The following MNAT1 variants were observed in gnomAD, a reference collection of about 807,000 sequenced individuals.
The protein encoded by MNAT1 is CDK-activating kinase assembly factor MAT1.
In MNAT1, 43 loss-of-function variants were observed where a neutral mutation model predicts 42.0. The observed-to-expected ratio is 1.02, with a 90% CI of 0.80 to 1.32. The LOEUF (loss-of-function observed/expected upper bound fraction) is 1.32. Ranked by LOEUF, MNAT1 falls within the 40% of genes most tolerant of loss-of-function variation. The probability of loss-of-function intolerance (pLI) is 0.00; values close to 1 mark genes in which losing one functional copy is unlikely to be tolerated. For missense variants in MNAT1, 306 were observed against 350.4 expected (o/e 0.87, Z 1.01); for synonymous variants, 118 against 120.0 (o/e 0.98, Z 0.11).
intron 7 of MNAT1, 67 bp downstream of exon 7, chr14:60,879,902 C>G: frequency 6.6e-7 from 1 of 1,506,058 alleles, no homozygotes; most frequent in Non-Finnish European, 9.0e-7. Flanking sequence ...TCTTAACTGA[C>G]ATGTTAACAT....
At chr14:60,764,973 A>G (rs2030754291) in intron 1 of MNAT1, among the ~76,000 whole-genome samples, 1 of 152,204 alleles carries the variant, frequency 6.6e-6, no homozygotes, top group Non-Finnish European at 1.5e-5. Context: ...AATATAGGCC[A>G]GGCGCGGTTG....
chr14:60,851,138 T>C (rs958165999), intron 6 of MNAT1, among the ~76,000 whole-genome samples: 1 of 152,174 alleles, frequency 6.6e-6, no homozygotes, highest in Non-Finnish European at 1.5e-5. Context: ...GGTCATCAAG[T>C]AGAATTACTG....
At chr14:60,839,414 G>A (rs777543961) in intron 6 of MNAT1, among the ~76,000 whole-genome samples, 1 of 152,214 alleles carries the variant, frequency 6.6e-6, no homozygotes, top group Admixed American at 6.5e-5. Context: ...CCTCAGAGCT[G>A]TTCTTTTGTT....
Position 60,748,299 on chromosome 14 carries a change from C to T in MNAT1, c.89+13348C>T, listed in dbSNP as rs141679216. Among the ~76,000 whole-genome samples, 161 of 152,252 alleles carry T rather than the reference C, an allele frequency of 1.1e-3. 1 individual carries two copies. In the East Asian group the frequency reaches 0.029, roughly 27 times the overall value. Reference sequence around the variant, plus strand: ...AGGCTGGAGTGCAGGGGCATGATCACGGCTCACTGCAGTCTTGACATCCCT... The same window carrying T: ...AGGCTGGAGTGCAGGGGCATGATCATGGCTCACTGCAGTCTTGACATCCCT... On this transcript the variant is annotated intron_variant, in intron 1 of 7. Coordinates refer to ENST00000261245, the MANE Select transcript of MNAT1 (RefSeq NM_002431.4).
chr14:60,775,449 G>T (rs540011144), intron 1 of MNAT1, among the ~76,000 whole-genome samples: 1 of 152,304 alleles, frequency 6.6e-6, no homozygotes, highest in African/African-American at 2.4e-5. Context: ...TGGGAATGGG[G>T]AAATTGGGTA....
intron 5 of MNAT1, among the ~76,000 whole-genome samples, chr14:60,815,498 A>G (rs2032684091): frequency 6.6e-6 from 1 of 152,150 alleles, no homozygotes; most frequent in South Asian, 2.1e-4. Flanking sequence ...TACTGGTGTG[A>G]GCCACCGCGC....
At chr14:60,839,584 G>A (rs2033488832) in intron 6 of MNAT1, among the ~76,000 whole-genome samples, 2 of 152,190 alleles carry the variant, frequency 1.3e-5, no homozygotes, top group Admixed American at 1.3e-4. Flanking sequence ...ATGTTTGGGG[G>A]TGATGAGAAG....
chr14:60,734,875 G>A lies in MNAT1; in HGVS notation c.13G>A (p.Gly5Ser). The A allele has an allele frequency of 6.2e-7, 1 of 1,614,112 alleles. No individual in the cohort carries two copies. The highest frequency in any genetic ancestry group is 1.6e-4 in the Middle Eastern group (1 of 6,062). ...GAGGGAAACCGCCATGGACGATCAG[G>A]GTTGCCCTCGGTGTAAGACCACCAA... MDDQGCPRCKTTKYR... is the reference protein window; with the variant it reads MDDQSCPRCKTTKYR... The change falls in exon 1 of 8, where the codon GGT (glycine) becomes AGT (serine). Residue 5 changes from glycine (G) to serine (S), a missense_variant. By Grantham distance (56) the Gly-to-Ser change is moderately conservative. Around this residue, in one of 3 missense-constraint regions of MNAT1, gnomAD observed 72 missense variants for 111.0 expected, o/e 0.65. Transcript: ENST00000261245. The surrounding 1 kb of genome is among the most constrained non-coding windows in gnomAD (Gnocchi z 4.3).
rs1260790850 is a variant in MNAT1 at position 60,796,297 on chromosome 14, A to G, written c.170A>G (p.Asn57Ser). Residue 57 changes from asparagine to serine, a missense_variant, in exon 2 of 8, where the codon AAC becomes AGC. Asn to Ser is a conservative substitution (Grantham distance 46). Coordinates refer to ENST00000261245, the MANE Select transcript of MNAT1 (RefSeq NM_002431.4). Reference sequence around the variant, plus strand: ...TGTGGTACTCCACTCAGAAAGAGCAACTTCAGGGTACAACTCTTTGAAGAT... The same window carrying G: ...TGTGGTACTCCACTCAGAAAGAGCAGCTTCAGGGTACAACTCTTTGAAGAT... ...PECGTPLRKS[N>S]FRVQLFEDPT... is the part of the protein sequence containing the mutation. 2.5e-6 allele frequency: 4 copies of G among 1,613,798 alleles called. No homozygotes were observed. Among genetic ancestry groups the G allele is most frequent in the South Asian group, 1.1e-5 (1 of 91,044 alleles).
At chr14:60,788,468 T>C (rs769457728) in intron 1 of MNAT1, among the ~76,000 whole-genome samples, 66 of 152,172 alleles carry the variant, frequency 4.3e-4, no homozygotes, top group Non-Finnish European at 7.8e-4. Flanking sequence ...AGCTGCACTA[T>C]CTCCTGAAAA....
chr14:60,872,442 C>G (rs946362352), intron 6 of MNAT1, among the ~76,000 whole-genome samples: 2 of 152,160 alleles, frequency 1.3e-5, no homozygotes, highest in Non-Finnish European at 2.9e-5. Flanking sequence ...AATCAGCTCT[C>G]TCTGGTTTTC....
chr14:60,869,990 A>T (rs1319378464), intron 6 of MNAT1, among the ~76,000 whole-genome samples: 1 of 152,182 alleles, frequency 6.6e-6, no homozygotes, highest in Non-Finnish European at 1.5e-5. Context: ...TTAGTAAATT[A>T]TAAACAATTT....
At chr14:60,852,702 C>T (rs376047533) in intron 6 of MNAT1, among the ~76,000 whole-genome samples, 1 of 151,984 alleles carries the variant, frequency 6.6e-6, no homozygotes, top group African/African-American at 2.4e-5. Flanking sequence ...GTGTTTAATC[C>T]ATCTTGAGTT....
At chr14:60,789,733 A>C (rs2031760093) in intron 1 of MNAT1, among the ~76,000 whole-genome samples, 1 of 152,144 alleles carries the variant, frequency 6.6e-6, no homozygotes, top group Admixed American at 6.6e-5. Context: ...CTTTTTAGCT[A>C]TCAGGATGAA....
At chr14:60,841,147 C>T (rs574077848) in intron 6 of MNAT1, among the ~76,000 whole-genome samples, 33 of 151,544 alleles carry the variant, frequency 2.2e-4, no homozygotes, top group Non-Finnish European at 2.7e-4. Flanking sequence ...CTCTCTCTCC[C>T]TCTCTCCCTT....
intron 1 of MNAT1, among the ~76,000 whole-genome samples, chr14:60,784,984 C>T (rs943831949): frequency 2.0e-5 from 3 of 152,120 alleles, no homozygotes; most frequent in Admixed American, 6.5e-5. Context: ...TCCTGAGTAG[C>T]TGGGACTACA....
intron 7 of MNAT1, among the ~76,000 whole-genome samples, chr14:60,930,377 G>A (rs2035861548): frequency 6.6e-6 from 1 of 151,900 alleles, no homozygotes; most frequent in South Asian, 2.1e-4. Context: ...TGATGGCACA[G>A]ATGTTCTGAA....
intron 7 of MNAT1, among the ~76,000 whole-genome samples, chr14:60,909,041 T>G (rs561286439): frequency 5.9e-5 from 9 of 152,342 alleles, no homozygotes; most frequent in Middle Eastern, 6.8e-3. Context: ...GGTATCTCAT[T>G]GTGGTTTTGA....
chr14:60,799,285 C>G (rs2032125036), intron 3 of MNAT1: 1 of 985,026 alleles, frequency 1.0e-6, no homozygotes, highest in Non-Finnish European at 1.2e-6. Context: ...TGGATTTTAG[C>G]TGAAAAGATG....
Sources: allele counts gnomAD v4.1 joint callset (sites outside exome capture counted in the v4.1 genomes callset), GRCh38; gene constraint gnomAD v4.1.1; regional missense constraint gnomAD v4.1.1; non-coding constraint Gnocchi (gnomAD v3.1); transcripts MANE v1.5; gene names NCBI Gene and HGNC (gene_info 2026-07-23, HGNC 2026-07-21).